The following TTC19 variants were observed in gnomAD, a reference collection of about 807,000 sequenced individuals.
TTC19 encodes tetratricopeptide repeat protein 19, mitochondrial.
A neutral mutation model predicts 49.5 loss-of-function variants in TTC19; 38 were observed. The observed-to-expected ratio is 0.77, with a 90% CI of 0.59 to 1.01. TTC19 has a LOEUF of 1.01. Ranked by LOEUF, TTC19 falls within the 50% of genes least tolerant of loss-of-function variation. TTC19 has a pLI of 0.00. For missense variants in TTC19, 475 were observed against 477.7 expected (o/e 0.99, Z 0.05); for synonymous variants, 204 against 185.2 (o/e 1.10, Z -0.83).
In TTC19 at chr17:16,040,351, T is replaced by C. The variant is rs185809245; in HGVS notation, c.248-4152T>C. 80 of 1,050,012 alleles carry C rather than the reference T, an allele frequency of 7.6e-5. No homozygotes were observed. In the East Asian group the frequency reaches 1.8e-3, roughly 23 times the overall value. The allele number at this position is 1,050,012 out of a possible 1,614,324, so 65.0% of individuals were successfully genotyped here. A position where few individuals can be genotyped will look rare whatever the true frequency, so the allele number is the denominator to read the frequency against. ...TTCCATATTAGAGCAGTCACTCCCC[T>C]GGTATACAGTTGGTACTCAGTACAT... On this transcript the variant is annotated intron_variant, in intron 2 of 2. Coordinates refer to the TTC19 transcript ENST00000470649.
At chr17:16,033,750 G>T (rs1973093254), downstream of TTC19, among the ~76,000 whole-genome samples, 1 of 152,148 alleles carries the variant, frequency 6.6e-6, no homozygotes, top group Non-Finnish European at 1.5e-5. Flanking sequence ...TAAGTATCCT[G>T]GAGTATTGTT....
At chr17:16,022,049 G>A (rs1971401134) in intron 7 of TTC19, among the ~76,000 whole-genome samples, 1 of 151,732 alleles carries the variant, frequency 6.6e-6, no homozygotes, top group South Asian at 2.1e-4. Context: ...AGTGTAGGCT[G>A]GAGTGGTGCA....
At position 16,044,958 on chromosome 17, in the gene TTC19, C is replaced by G. The variant is rs367927635; in HGVS notation, c.*403C>G. ...TGACATGGGCTTTTGGTTGTTTTGA[C>G]TAAATTTCTTATAACGTGTTCAATA... is the stretch of plus-strand genomic sequence containing the variant. On this transcript the variant is annotated 3_prime_UTR_variant, in exon 3 of 3. Transcript: ENST00000470649. 2.0e-4 allele frequency: 106 copies of G among 531,456 alleles called. 2 individuals are homozygous for G. Among genetic ancestry groups the G allele is most frequent in the South Asian group, 1.8e-3 (100 of 54,282 alleles). 32.9% of individuals were successfully genotyped at this position (531,456 alleles called of 1,614,324 possible).
chr17:16,040,877 A>G (rs983000028), intron 2 of TTC19: 3 of 189,588 alleles, frequency 1.6e-5, no homozygotes, highest in East Asian at 1.5e-4. Context: ...TTTACCAAAA[A>G]TAAATAAATA....
At chr17:16,044,664 C>G in exon 3 of TTC19, 1 of 658,352 alleles carries the variant, frequency 1.5e-6, no homozygotes, top group South Asian at 1.4e-5. Flanking sequence ...TCAGCCCTCA[C>G]TCTGCATGAC....
chr17:16,040,683 C>T (rs1188995340), intron 2 of TTC19: 1 of 618,522 alleles, frequency 1.6e-6, no homozygotes, highest in Non-Finnish European at 2.9e-6. Flanking sequence ...CACTCTGTTG[C>T]CCAGGCTATT....
At chr17:16,032,771 A>C (rs189353225), downstream of TTC19, among the ~76,000 whole-genome samples, 1 of 152,228 alleles carries the variant, frequency 6.6e-6, no homozygotes, top group African/African-American at 2.4e-5. Flanking sequence ...AGTTAAGTCT[A>C]TATCAGATGT....
At chr17:16,027,307 T>C (rs1971596219) in intron 9 of TTC19, 67 bp from the exon 10 acceptor site, 1 of 1,586,108 alleles carries the variant, frequency 6.3e-7, no homozygotes, top group African/African-American at 1.3e-5. Context: ...ATTCATGCTC[T>C]CTCTTCAGAA....
downstream of TTC19, chr17:16,031,459 A>G (rs1246438778): frequency 4.1e-5 from 8 of 197,414 alleles, no homozygotes; most frequent in African/African-American, 1.8e-4. Flanking sequence ...GGCTGCATCA[A>G]ATGCAGGAGA....
chr17:16,044,966 C>A, exon 3 of TTC19: 5 of 515,270 alleles, frequency 9.7e-6, no homozygotes, highest in Non-Finnish European at 1.8e-5. Context: ...GACTAAATTT[C>A]TTATAACGTG....
chr17:16,006,202 G>A lies in TTC19; in HGVS notation c.582-272G>A, dbSNP rs547261449. ...AGGTGGGTGGATCACTTAAGGTCAGGAGTTCCAGACCAGCCTGGCCAACAT... is the reference window on the plus strand; with the variant it reads ...AGGTGGGTGGATCACTTAAGGTCAGAAGTTCCAGACCAGCCTGGCCAACAT... On this transcript the variant is annotated intron_variant, in intron 6 of 9. Coordinates refer to ENST00000261647, the MANE Select transcript of TTC19 (RefSeq NM_017775.4). Among the ~76,000 whole-genome samples, 5 of 152,328 alleles carry A rather than the reference G, an allele frequency of 3.3e-5. No homozygotes were observed. In the East Asian group the frequency reaches 9.6e-4, roughly 29 times the overall value.
chr17:16,007,460 TG>T (rs1395307235), intron 7 of TTC19, among the ~76,000 whole-genome samples: 4 of 152,084 alleles, frequency 2.6e-5, no homozygotes, highest in African/African-American at 9.7e-5. Flanking sequence ...TTTTGTTTTT[TG>T]TTTTCTTACT....
chr17:16,020,852 G>A (rs1268026443), intron 7 of TTC19, among the ~76,000 whole-genome samples: 2 of 151,970 alleles, frequency 1.3e-5, no homozygotes, highest in African/African-American at 4.8e-5. Flanking sequence ...TATATTTTTG[G>A]GGGGTGGTGG....
intron 6 of TTC19, among the ~76,000 whole-genome samples, chr17:16,005,032 A>G (rs2151650040): frequency 6.6e-6 from 1 of 152,362 alleles, no homozygotes; most frequent in Middle Eastern, 3.4e-3. Context: ...TGTAACAAAC[A>G]TGCCTAGTTC....
intron 7 of TTC19, among the ~76,000 whole-genome samples, chr17:16,018,061 C>T (rs1369187899): frequency 6.6e-6 from 1 of 152,088 alleles, no homozygotes; most frequent in Non-Finnish European, 1.5e-5. Flanking sequence ...TTTCCCTTTT[C>T]CTCACTTGTT....
chr17:16,026,348 T>A (rs908044210), intron 8 of TTC19, among the ~76,000 whole-genome samples, 192 bp from the exon 9 acceptor site: 1 of 152,196 alleles, frequency 6.6e-6, no homozygotes, highest in African/African-American at 2.4e-5. Flanking sequence ...AAGGTCGAAC[T>A]AACATTGTCC....
intron 2 of TTC19, chr17:16,034,834 C>T (rs2151852317): frequency 6.2e-7 from 1 of 1,614,116 alleles, no homozygotes; most frequent in Non-Finnish European, 8.5e-7. Context: ...TCTGAATGTA[C>T]AGAGGAGACT....
At chr17:16,035,826 G>A (rs1483958945) in intron 2 of TTC19, among the ~76,000 whole-genome samples, 1 of 152,116 alleles carries the variant, frequency 6.6e-6, no homozygotes, top group Admixed American at 6.5e-5. Flanking sequence ...ACAGGCATGA[G>A]TCATCATACC....
intron 2 of TTC19, chr17:16,040,062 T>A (rs1280763571): frequency 2.3e-6 from 1 of 433,654 alleles, no homozygotes; most frequent in Non-Finnish European, 4.5e-6. Flanking sequence ...AGTGCTGGGA[T>A]TACAGGCGTG....
Sources: gnomAD v4.1 joint callset for allele counts (sites outside exome capture counted in the v4.1 genomes callset) on GRCh38, gnomAD v4.1.1 for gene constraint, MANE v1.5 for transcripts, NCBI Gene and HGNC (gene_info 2026-07-23, HGNC 2026-07-21) for gene names.